The following HHAT variants were observed in gnomAD, a reference collection of about 807,000 sequenced individuals.
The protein encoded by HHAT is hedgehog acyltransferase, also known as protein-cysteine N-palmitoyltransferase HHAT.
A neutral mutation model predicts 70.8 loss-of-function variants in HHAT; 47 were observed. That is an observed-to-expected ratio of 0.66 (90% CI 0.53 to 0.85). The LOEUF (loss-of-function observed/expected upper bound fraction) is 0.85. Ranked by LOEUF, HHAT falls within the 40% of genes least tolerant of loss-of-function variation. The pLI, the probability that HHAT is intolerant of heterozygous loss-of-function variation, is 0.00. For missense variants in HHAT, 609 were observed against 604.8 expected (o/e 1.01, Z -0.07); for synonymous variants, 228 against 247.6 (o/e 0.92, Z 0.74).
In HHAT at chr1:210,549,926, CAG is replaced by C. The variant is rs374031735; in HGVS notation, c.1043+36741_1043+36742del. On this transcript the variant is annotated intron_variant, in intron 9 of 11. Transcript: ENST00000261458. ...CTTGCATTCTGCCTTTCTAAAAAAA[CAG>C]AGTTGTCATCTATCCTGGGACACAT... Among the ~76,000 whole-genome samples the C allele has an allele frequency of 3.6e-3, 532 of 149,174 alleles. 30 individuals carry two copies. Among genetic ancestry groups the C allele is most frequent in the Non-Finnish European group, 5.1e-3 (346 of 67,886 alleles).
intron 10 of HHAT, among the ~76,000 whole-genome samples, chr1:210,618,674 CA>C (rs747605313): frequency 6.6e-6 from 1 of 152,146 alleles, no homozygotes; most frequent in Non-Finnish European, 1.5e-5. Flanking sequence ...CCACAGCCTC[CA>C]GCCCGACTGT....
chr1:210,498,543 A>G (rs745623360), intron 8 of HHAT, among the ~76,000 whole-genome samples: 27 of 152,152 alleles, frequency 1.8e-4, no homozygotes, highest in Non-Finnish European at 3.7e-4. Context: ...ATATCCCTGA[A>G]GACCTGGCAA....
chr1:210,379,943 T>G (rs531102539), intron 3 of HHAT, among the ~76,000 whole-genome samples: 24 of 152,232 alleles, frequency 1.6e-4, no homozygotes, highest in Non-Finnish European at 3.4e-4. Context: ...GCAGAGAAGA[T>G]CATCCACTGG....
chr1:210,673,383 G>A (rs185281060), intron 11 of HHAT, among the ~76,000 whole-genome samples: 27 of 151,994 alleles, frequency 1.8e-4, no homozygotes, highest in African/African-American at 5.8e-4. Context: ...CGGTGATGAT[G>A]ACGGTGATTT....
chr1:210,637,858 CA>C (rs33961605), intron 11 of HHAT, among the ~76,000 whole-genome samples: 16 of 116,386 alleles, frequency 1.4e-4, no homozygotes, highest in African/African-American at 3.4e-4. Context: ...GACTCCGTCT[CA>C]AAAAAAAAAA....
intron 6 of HHAT, among the ~76,000 whole-genome samples, chr1:210,411,616 G>C (rs570755769): frequency 6.6e-6 from 1 of 152,066 alleles, no homozygotes; most frequent in Non-Finnish European, 1.5e-5. Context: ...TCAGCCAGGC[G>C]TGGTGGTACA....
At chr1:210,505,397 C>G (rs191791995) in intron 8 of HHAT, among the ~76,000 whole-genome samples, 1 of 152,264 alleles carries the variant, frequency 6.6e-6, no homozygotes, top group African/African-American at 2.4e-5. Context: ...GAACAAAAAG[C>G]TGGGGTCTAG....
At chr1:210,661,034 A>T (rs1677585697) in intron 11 of HHAT, among the ~76,000 whole-genome samples, 1 of 152,236 alleles carries the variant, frequency 6.6e-6, no homozygotes, top group African/African-American at 2.4e-5. Context: ...AAAACACCAA[A>T]AGCAATGGCA....
At chr1:210,665,486 G>A (rs752652263) in intron 11 of HHAT, among the ~76,000 whole-genome samples, 5 of 152,186 alleles carry the variant, frequency 3.3e-5, no homozygotes, top group Non-Finnish European at 7.3e-5. Context: ...AGCTGGGAAG[G>A]TCATAGCGCT....
intron 9 of HHAT, among the ~76,000 whole-genome samples, chr1:210,514,125 C>T (rs1245286177): frequency 6.6e-6 from 1 of 152,200 alleles, no homozygotes; most frequent in East Asian, 1.9e-4. Context: ...ATTGACATCA[C>T]CTTTATCCCC....
intron 9 of HHAT, among the ~76,000 whole-genome samples, chr1:210,577,649 TTTTTTTTTTTTTTTTC>T (rs1658168297): frequency 1.6e-5 from 2 of 123,812 alleles, no homozygotes; most frequent in South Asian, 2.8e-4. Flanking sequence ...TTTTTTTTTT[TTTTTTTTTTTTTTTTC>T]GAAATGGAGT....
chr1:210,372,845 C>G (rs2089698143), intron 3 of HHAT, among the ~76,000 whole-genome samples: 1 of 150,252 alleles, frequency 6.7e-6, no homozygotes, highest in African/African-American at 2.5e-5. Context: ...CAGGCGTGAG[C>G]CACTGTACCT....
Position 210,591,192 on chromosome 1 carries a change from C to G in HHAT, c.1245+3093C>G, listed in dbSNP as rs571709644. ...TAGCTATATTTTTGTGCTCATTAAC[C>G]ATCATTCCCCCCAACTACCCTTCCA... is the stretch of plus-strand genomic sequence containing the variant. On this transcript the variant is annotated intron_variant, in intron 10 of 11. Coordinates refer to ENST00000261458, the MANE Select transcript of HHAT (RefSeq NM_018194.6). Among the ~76,000 whole-genome samples, 3 of 152,100 alleles carry G rather than the reference C, an allele frequency of 2.0e-5. No individual in the cohort carries two copies. The South Asian group carries it at 6.3e-4, about 32-fold the overall frequency.
In HHAT at chr1:210,578,697, C is replaced by G. The variant is rs529232910; in HGVS notation, c.1044-9201C>G. On this transcript the variant is annotated intron_variant, in intron 9 of 11. Transcript: ENST00000261458. The stretch of plus-strand genomic sequence containing the variant: ...ATCGTGAATGAACATGGAGAATATT[C>G]TATTCAGTGAGATAAGCCTGTAACA... Among the ~76,000 whole-genome samples the G allele has an allele frequency of 1.1e-4, 16 of 152,258 alleles. No homozygotes were observed. In the South Asian group the frequency reaches 3.3e-3, roughly 32 times the overall value.
At position 210,349,065 on chromosome 1, in the gene HHAT, A is replaced by G. The variant is rs1467692573; in HGVS notation, c.90A>G (p.Arg30=). The change falls in exon 2 of 12, where the codon AGA becomes AGG. Residue 30 remains arginine (R), a splice_region_variant and synonymous_variant. Transcript: ENST00000261458. ...TCTATGAAGTTTACAAAGTCTCCAG[A>G]GGTAAGGCCCCAAGCTTTTCAGACC... ...YSFYEVYKVS[R]EHEEELDQEF... 6.2e-7 allele frequency: 1 copy of G among 1,613,880 alleles called. No homozygotes were observed. The highest frequency in any genetic ancestry group is 1.1e-5 in the South Asian group (1 of 91,018).
intron 2 of HHAT, among the ~76,000 whole-genome samples, chr1:210,352,397 C>T (rs2087119660): frequency 6.6e-6 from 1 of 152,170 alleles, no homozygotes; most frequent in African/African-American, 2.4e-5. Context: ...TTCTTGGTTC[C>T]TCATCTCACT....
intron 8 of HHAT, among the ~76,000 whole-genome samples, chr1:210,482,861 CT>C (rs1004727798): frequency 6.6e-6 from 1 of 152,150 alleles, no homozygotes; most frequent in African/African-American, 2.4e-5. Flanking sequence ...GAATTTCTTG[CT>C]GCTTAAAAGG....
chr1:210,447,536 A>G (rs2093660443), intron 7 of HHAT, among the ~76,000 whole-genome samples: 1 of 152,234 alleles, frequency 6.6e-6, no homozygotes, highest in South Asian at 2.1e-4. Context: ...AGAATTAGAC[A>G]AGGAAACATC....
chr1:210,611,271 A>G (rs547352711), intron 10 of HHAT, among the ~76,000 whole-genome samples: 13 of 151,974 alleles, frequency 8.6e-5, no homozygotes, highest in Non-Finnish European at 1.8e-4. Context: ...TTTTGTAGCA[A>G]TCGTTAGTGG....
Sources: allele counts gnomAD v4.1 joint callset (sites outside exome capture counted in the v4.1 genomes callset), GRCh38; gene constraint gnomAD v4.1.1; transcripts MANE v1.5; gene names NCBI Gene and HGNC (gene_info 2026-07-23, HGNC 2026-07-21).